The following ZHX2 variants were observed in gnomAD, a reference collection of about 807,000 sequenced individuals.
The protein encoded by ZHX2 is zinc fingers and homeoboxes 2.
A neutral mutation model predicts 21.9 loss-of-function variants in ZHX2; 6 were observed. That is an observed-to-expected ratio of 0.27 (90% confidence interval 0.15 to 0.54). The LOEUF (loss-of-function observed/expected upper bound fraction) is 0.54, where lower values mean the gene tolerates loss of function less well. Among genes scored for constraint, ZHX2 ranks in the 20% least tolerant of loss-of-function variants. The probability of loss-of-function intolerance (pLI) is 0.95; values close to 1 mark genes in which losing one functional copy is unlikely to be tolerated. For synonymous variants in ZHX2, 434 were observed against 437.1 expected (o/e 0.99, Z 0.09); for missense variants, 908 against 1,090.7 (o/e 0.83, Z 2.36).
intron 1 of ZHX2, among the ~76,000 whole-genome samples, chr8:122,836,740 C>T (rs1011043907): frequency 2.0e-5 from 3 of 152,240 alleles, no homozygotes; most frequent in African/African-American, 7.2e-5. Flanking sequence ...TTCCGGCCGG[C>T]TTTCTTCCTG....
At chr8:122,824,012 C>T (rs1284082321) in intron 1 of ZHX2, among the ~76,000 whole-genome samples, 4 of 152,204 alleles carry the variant, frequency 2.6e-5, no homozygotes, top group Non-Finnish European at 5.9e-5. Flanking sequence ...TCAATTCAGA[C>T]ATTCAAACCC....
At chr8:122,801,518 G>A (rs1227347474) in intron 1 of ZHX2, among the ~76,000 whole-genome samples, 3 of 151,786 alleles carry the variant, frequency 2.0e-5, no homozygotes, top group African/African-American at 4.8e-5. Context: ...AGGCCGAGGT[G>A]GAGGGACTGC....
intron 2 of ZHX2, among the ~76,000 whole-genome samples, chr8:122,936,874 G>C (rs556095448): frequency 1.0e-5 from 1 of 97,868 alleles, no homozygotes; most frequent in Non-Finnish European, 2.5e-5. Flanking sequence ...TTCTCCCAAG[G>C]GTTCCAATAA....
At position 122,858,981 on chromosome 8, in the gene ZHX2, G is replaced by T. The variant is rs375760599; in HGVS notation, c.-282-4496G>T. 2.0e-4 allele frequency among the ~76,000 whole-genome samples: 30 copies of T among 152,254 alleles called. 2 individuals carry two copies. The South Asian group carries it at 6.0e-3, about 30-fold the overall frequency. On this transcript the variant is annotated intron_variant, in intron 1 of 3. Transcript: ENST00000314393. ...CCTAATGAGAGCCACTGCCTTCCAC[G>T]TGCAGGAACAGAAGGCTCCACTCGG...
chr8:122,926,568 TG>T (rs1820860759), intron 2 of ZHX2, among the ~76,000 whole-genome samples: 1 of 152,166 alleles, frequency 6.6e-6, no homozygotes, highest in East Asian at 1.9e-4. Context: ...AGTTGTTCGC[TG>T]TCAGGTGGCG....
intron 3 of ZHX2, among the ~76,000 whole-genome samples, chr8:122,966,957 T>C (rs1408348339): frequency 1.3e-5 from 2 of 152,208 alleles, no homozygotes; most frequent in Non-Finnish European, 2.9e-5. Context: ...AACTTTCCAG[T>C]GTATTTTGCA....
At chr8:122,876,655 G>C (rs151271532) in intron 2 of ZHX2, among the ~76,000 whole-genome samples, 1 of 152,162 alleles carries the variant, frequency 6.6e-6, no homozygotes, top group African/African-American at 2.4e-5. Flanking sequence ...CCACGAGGAC[G>C]GGGTAGCGTG....
chr8:122,798,193 T>G lies in ZHX2; in HGVS notation c.-283+16247T>G, dbSNP rs1252997133. Among the ~76,000 whole-genome samples, 4 of 152,188 alleles carry G rather than the reference T, an allele frequency of 2.6e-5. No homozygotes were observed. The East Asian group carries it at 5.8e-4, about 22-fold the overall frequency. Reference sequence around the variant, plus strand: ...CTTGAAAGCTTTCTGGATATTCTGCTACGCCTATGCATTCGAGGAATATCA... The same window carrying G: ...CTTGAAAGCTTTCTGGATATTCTGCGACGCCTATGCATTCGAGGAATATCA... On this transcript the variant is annotated intron_variant, in intron 1 of 3. Coordinates refer to ENST00000314393, the MANE Select transcript of ZHX2 (RefSeq NM_014943.5).
chr8:122,843,863 G>A (rs1339042002), intron 1 of ZHX2, among the ~76,000 whole-genome samples: 1 of 142,490 alleles, frequency 7.0e-6, no homozygotes, highest in Non-Finnish European at 1.5e-5. Flanking sequence ...ATAGGAAGCT[G>A]ATAGATTTGT....
At chr8:122,870,274 C>G (rs1054315970) in intron 2 of ZHX2, among the ~76,000 whole-genome samples, 2 of 152,056 alleles carry the variant, frequency 1.3e-5, no homozygotes, top group Non-Finnish European at 2.9e-5. Context: ...TTGCAGGGAG[C>G]AATGAGCGGC....
chr8:122,943,155 A>G (rs376431581), intron 2 of ZHX2, among the ~76,000 whole-genome samples: 20 of 152,232 alleles, frequency 1.3e-4, no homozygotes, highest in African/African-American at 4.8e-4. Context: ...CCAGCTACTC[A>G]GGAGGCTGAG....
intron 2 of ZHX2, among the ~76,000 whole-genome samples, chr8:122,915,286 G>A (rs1300009921): frequency 6.6e-6 from 1 of 152,154 alleles, no homozygotes; most frequent in Non-Finnish European, 1.5e-5. Flanking sequence ...GGATAGAAGG[G>A]CCTGAGATCT....
intron 1 of ZHX2, among the ~76,000 whole-genome samples, chr8:122,846,374 C>T (rs1586320400): frequency 6.6e-6 from 1 of 152,146 alleles, no homozygotes; most frequent in South Asian, 2.1e-4. Context: ...TGACTAAATG[C>T]TTTCTGTGAA....
chr8:122,962,533 C>G (rs1813482554), intron 3 of ZHX2, among the ~76,000 whole-genome samples: 1 of 152,166 alleles, frequency 6.6e-6, no homozygotes, highest in South Asian at 2.1e-4. Flanking sequence ...GGTTGATGGG[C>G]ATCTAGGCTC....
chr8:122,892,609 G>T (rs1323486691), intron 2 of ZHX2, among the ~76,000 whole-genome samples: 1 of 152,060 alleles, frequency 6.6e-6, no homozygotes, highest in Non-Finnish European at 1.5e-5. Context: ...ACACTTTTGT[G>T]TGTTTTCATC....
At chr8:122,886,476 T>G (rs1278685407) in intron 2 of ZHX2, among the ~76,000 whole-genome samples, 2 of 152,140 alleles carry the variant, frequency 1.3e-5, no homozygotes, top group Non-Finnish European at 2.9e-5. Context: ...TGGACTTAAG[T>G]TAATAATAAT....
At chr8:122,891,025 T>C (rs1819961941) in intron 2 of ZHX2, among the ~76,000 whole-genome samples, 1 of 152,138 alleles carries the variant, frequency 6.6e-6, no homozygotes, top group South Asian at 2.1e-4. Flanking sequence ...TGTATCCTTG[T>C]CTGGTTTTGG....
In ZHX2 at chr8:122,953,768, G is replaced by A. The variant is rs369846197; in HGVS notation, c.2258G>A (p.Ser753Asn). ...TTGGTGACCAGGGTAAAAGTAGGCA[G>A]CGAGCCAGCAAAAGACTGTTTGCCA... ...EKLVTRVKVG[S>N]EPAKDCLPAK... Residue 753 changes from serine to asparagine, a missense_variant, in exon 3 of 4, where the codon AGC becomes AAC. Ser to Asn is a conservative substitution (Grantham distance 46, BLOSUM62 1). Around this residue, in one of 4 missense-constraint regions of ZHX2, gnomAD observed 431 missense variants for 428.6 expected, o/e 1.01. Transcript: ENST00000314393. This position sits in a 1 kb window ranked among gnomAD's most constrained non-coding sequence, Gnocchi z 4.6. The A allele has an allele frequency of 5.6e-6, 9 of 1,614,136 alleles. No homozygotes were observed. In the African/African-American group the frequency reaches 1.1e-4, roughly 19 times the overall value.
chr8:122,882,006 A>C (rs1819725347), intron 2 of ZHX2, among the ~76,000 whole-genome samples: 1 of 152,168 alleles, frequency 6.6e-6, no homozygotes, highest in Admixed American at 6.5e-5. Context: ...CACTAGGTTT[A>C]ATTAACTTAA....
Sources: allele counts gnomAD v4.1 joint callset (sites outside exome capture counted in the v4.1 genomes callset), GRCh38; gene constraint gnomAD v4.1.1; regional missense constraint gnomAD v4.1.1; non-coding constraint Gnocchi (gnomAD v3.1); transcripts MANE v1.5; gene names NCBI Gene and HGNC (gene_info 2026-07-23, HGNC 2026-07-21).